The following TSHZ2 variants were observed in gnomAD, a reference collection of about 807,000 sequenced individuals.
TSHZ2 encodes teashirt zinc finger homeobox 2.
Under a neutral mutation model 74.4 loss-of-function variants are expected in TSHZ2, and 21 were observed. That is an observed-to-expected ratio of 0.28 (90% CI 0.20 to 0.41). TSHZ2 has a LOEUF of 0.41. TSHZ2 is among the 10% of genes least tolerant of loss of function. The pLI is 1.00. For synonymous variants in TSHZ2, 540 were observed against 515.3 expected (o/e 1.05, Z -0.65); for missense variants, 1,244 against 1,293.5 (o/e 0.96, Z 0.59).
intron 1 of TSHZ2, among the ~76,000 whole-genome samples, chr20:53,036,000 A>C (rs1284724470): frequency 1.3e-5 from 2 of 152,196 alleles, no homozygotes; most frequent in African/African-American, 4.8e-5. Context: ...ATGTTTATTG[A>C]TCTTTAGGAA....
At chr20:53,035,102 T>C (rs956580067) in intron 1 of TSHZ2, among the ~76,000 whole-genome samples, 2 of 152,196 alleles carry the variant, frequency 1.3e-5, no homozygotes, top group African/African-American at 2.4e-5. Flanking sequence ...CCACAGGATG[T>C]AGTAGAGGTG....
At chr20:53,156,693 C>T (rs928318144) in intron 1 of TSHZ2, among the ~76,000 whole-genome samples, 1 of 152,200 alleles carries the variant, frequency 6.6e-6, no homozygotes, top group Non-Finnish European at 1.5e-5. Context: ...AAAAGAATTG[C>T]TCAAGTTTGT....
intron 1 of TSHZ2, among the ~76,000 whole-genome samples, chr20:53,103,231 C>A (rs1986268879): frequency 6.6e-6 from 1 of 152,092 alleles, no homozygotes; most frequent in South Asian, 2.1e-4. Context: ...ATTGAAAAAA[C>A]ATAATCTTTT....
chr20:53,138,494 G>A (rs57893238), intron 1 of TSHZ2, among the ~76,000 whole-genome samples: 4,417 of 151,920 alleles, frequency 0.029, 203 homozygotes, highest in African/African-American at 0.1. Flanking sequence ...TTTCAACCAG[G>A]GCTTTTCTCT....
At chr20:53,017,279 C>G (rs1428624234) in intron 1 of TSHZ2, among the ~76,000 whole-genome samples, 2 of 152,134 alleles carry the variant, frequency 1.3e-5, no homozygotes, top group Non-Finnish European at 2.9e-5. Flanking sequence ...ACTTACAGAG[C>G]TGTTTTGATC....
At chr20:53,201,035 AAAG>A (rs1035321375) in intron 1 of TSHZ2, among the ~76,000 whole-genome samples, 11 of 152,080 alleles carry the variant, frequency 7.2e-5, no homozygotes, top group African/African-American at 2.4e-4. Context: ...TTTAAGAAAA[AAAG>A]AAATTGAGTC....
At chr20:53,105,007 G>A (rs2800997) in intron 1 of TSHZ2, among the ~76,000 whole-genome samples, 34,473 of 152,038 alleles carry the variant, frequency 0.23, 4,726 homozygotes, top group East Asian at 0.42. Context: ...AGTACCAGCA[G>A]CATAATAATA....
In TSHZ2 at chr20:52,991,947, G is replaced by A. The variant is rs774606032; in HGVS notation, c.40+18614G>A. Among the ~76,000 whole-genome samples, 41 of 152,178 alleles carry A rather than the reference G, an allele frequency of 2.7e-4. 1 individual carries two copies. Among genetic ancestry groups the A allele is most frequent in the Admixed American group, 1.2e-3 (18 of 15,276 alleles). ...TTTTCCCTGTGAACATGAAGCCGACGTCACAGTGTATTTTCCTGGGGGTTC... is the reference window on the plus strand; with the variant it reads ...TTTTCCCTGTGAACATGAAGCCGACATCACAGTGTATTTTCCTGGGGGTTC... On this transcript the variant is annotated intron_variant, in intron 1 of 2. Coordinates refer to ENST00000371497, the MANE Select transcript of TSHZ2 (RefSeq NM_173485.6).
chr20:53,038,900 G>GTTTTTTT lies in TSHZ2; in HGVS notation c.40+65570_40+65571insTTTTTTT, dbSNP rs748995371. On this transcript the variant is annotated intron_variant, in intron 1 of 2. Coordinates refer to ENST00000371497, the MANE Select transcript of TSHZ2 (RefSeq NM_173485.6). ...TTTGTTTTGTTTTGTTTGTTTGTTT[G>GTTTTTTT]TTTGTTTGTTTTTGAGATGGAGTTT... Among the ~76,000 whole-genome samples the GTTTTTTT allele has an allele frequency of 1.2e-3, 179 of 143,554 alleles. 2 individuals are homozygous for GTTTTTTT. Among genetic ancestry groups the GTTTTTTT allele is most frequent in the African/African-American group, 4.6e-3 (163 of 35,508 alleles). The allele number at this position is 143,554 out of a possible 152,430, so 94.2% of individuals were successfully genotyped here. A position where few individuals can be genotyped will look rare whatever the true frequency, so the allele number is the denominator to read the frequency against.
intron 1 of TSHZ2, among the ~76,000 whole-genome samples, chr20:53,105,378 T>TC (rs1986331493): frequency 6.6e-6 from 1 of 152,192 alleles, no homozygotes; most frequent in Non-Finnish European, 1.5e-5. Context: ...CCCAGGCCTC[T>TC]CCCCAGTGGA....
intron 2 of TSHZ2, among the ~76,000 whole-genome samples, chr20:53,465,392 T>C (rs1600662424): frequency 6.6e-6 from 1 of 152,104 alleles, no homozygotes; most frequent in Non-Finnish European, 1.5e-5. Context: ...TGTCTCAGCC[T>C]CCCGAGAAGC....
At chr20:53,157,840 C>G (rs1987832679) in intron 1 of TSHZ2, among the ~76,000 whole-genome samples, 1 of 151,996 alleles carries the variant, frequency 6.6e-6, no homozygotes, top group South Asian at 2.1e-4. Context: ...CTTTATGTTT[C>G]CTAGGCATTT....
At chr20:52,974,936 G>C (rs1008107242) in intron 1 of TSHZ2, among the ~76,000 whole-genome samples, 4 of 152,148 alleles carry the variant, frequency 2.6e-5, no homozygotes, top group African/African-American at 9.7e-5. Context: ...TACGTATTTG[G>C]AACTTGCCTC....
chr20:53,408,884 T>C (rs187801087), intron 2 of TSHZ2, among the ~76,000 whole-genome samples: 1 of 152,334 alleles, frequency 6.6e-6, no homozygotes, highest in Non-Finnish European at 1.5e-5. Flanking sequence ...AGAACTGATG[T>C]TGCATGAACT....
intron 2 of TSHZ2, chr20:53,397,938 C>T (rs1418074362): frequency 6.6e-6 from 1 of 151,684 alleles, no homozygotes; most frequent in Non-Finnish European, 1.5e-5. Context: ...AATGAGAACA[C>T]TTAGACACAG....
At chr20:53,025,038 A>G (rs1983386995) in intron 1 of TSHZ2, among the ~76,000 whole-genome samples, 1 of 152,154 alleles carries the variant, frequency 6.6e-6, no homozygotes. Context: ...AATTATATGC[A>G]TATGCTACTG....
rs186122047 is a variant in TSHZ2 at position 53,407,742 on chromosome 20, A to T, written c.*9-79402A>T. 5.9e-5 allele frequency among the ~76,000 whole-genome samples: 9 copies of T among 152,324 alleles called. No homozygotes were observed. In the East Asian group the frequency reaches 1.5e-3, roughly 26 times the overall value. On this transcript the variant is annotated intron_variant, in intron 2 of 2. Coordinates refer to ENST00000371497, the MANE Select transcript of TSHZ2 (RefSeq NM_173485.6). ...TTATTAGAACACAACCATGGCCTTC[A>T]CATGCAGGTTGCCCATTTCTGCTTT...
At chr20:53,111,498 G>A (rs560869892) in intron 1 of TSHZ2, among the ~76,000 whole-genome samples, 1 of 152,290 alleles carries the variant, frequency 6.6e-6, no homozygotes, top group East Asian at 1.9e-4. Flanking sequence ...TACCATGACA[G>A]AGAGAAAGAA....
intron 1 of TSHZ2, among the ~76,000 whole-genome samples, chr20:53,155,571 G>A (rs1361319097): frequency 2.6e-5 from 4 of 151,724 alleles, no homozygotes; most frequent in African/African-American, 9.7e-5. Context: ...AATGTACAGG[G>A]CAAGCAGAAG....
Sources: gnomAD v4.1 joint callset for allele counts (sites outside exome capture counted in the v4.1 genomes callset) on GRCh38, gnomAD v4.1.1 for gene constraint, MANE v1.5 for transcripts, NCBI Gene and HGNC (gene_info 2026-07-23, HGNC 2026-07-21) for gene names.